The following EPCIP variants were observed in gnomAD, a reference collection of about 807,000 sequenced individuals.
The protein encoded by EPCIP is exosomal polycystin 1 interacting protein.
the EPCIP span, among the ~76,000 whole-genome samples, chr21:32,810,228 TTTTGG>T: frequency 6.6e-6 from 1 of 151,114 alleles, no homozygotes; most frequent in African/African-American, 2.4e-5. Flanking sequence ...CTTCTCAGTC[TTTTGG>T]CTGGCATTTG....
chr21:32,793,963 C>T, the EPCIP span: 1 of 1,614,078 alleles, frequency 6.2e-7, no homozygotes, highest in Non-Finnish European at 8.5e-7. Flanking sequence ...ACCACATGGG[C>T]TTCTCTCTGG....
chr21:32,796,582 A>G, the EPCIP span, among the ~76,000 whole-genome samples: 1 of 152,190 alleles, frequency 6.6e-6, no homozygotes, highest in Non-Finnish European at 1.5e-5. Context: ...TATTAAATGT[A>G]TTAATAGGTA....
the EPCIP span, chr21:32,790,682 AG>A: frequency 6.6e-6 from 1 of 152,232 alleles, no homozygotes; most frequent in Non-Finnish European, 1.5e-5. Context: ...GTAAAGTGAA[AG>A]CAAGTTTATT....
the EPCIP span, among the ~76,000 whole-genome samples, chr21:32,793,120 G>T: frequency 2.6e-5 from 4 of 151,900 alleles, no homozygotes; most frequent in African/African-American, 7.3e-5. Context: ...ACCATGCCCG[G>T]CTAATTTTGT....
At chr21:32,805,573 G>C in the EPCIP span, among the ~76,000 whole-genome samples, 2 of 152,018 alleles carry the variant, frequency 1.3e-5, no homozygotes, top group Non-Finnish European at 2.9e-5. Context: ...TGTTGGCCAG[G>C]CTGGTCTCAA....
chr21:32,791,846 A>G, the EPCIP span, among the ~76,000 whole-genome samples: 1 of 152,080 alleles, frequency 6.6e-6, no homozygotes, highest in East Asian at 1.9e-4. Context: ...TAATGTTTCA[A>G]ATTCATTCCA....
chr21:32,812,691 CT>C, the EPCIP span, among the ~76,000 whole-genome samples: 4 of 151,322 alleles, frequency 2.6e-5, no homozygotes, highest in Admixed American at 6.6e-5. Context: ...CAAATGAAGT[CT>C]TTTTTTTGGT....
At chr21:32,794,433 A>T in the EPCIP span, 3 of 1,606,340 alleles carry the variant, frequency 1.9e-6, no homozygotes, top group African/African-American at 4.0e-5. Flanking sequence ...CTTGCCCAGC[A>T]TGGGCCAGCG....
chr21:32,797,198 C>G, the EPCIP span: 1 of 283,644 alleles, frequency 3.5e-6, no homozygotes, highest in Non-Finnish European at 7.3e-6. Flanking sequence ...CCTGGTAACC[C>G]ATTTATGGAG....
chr21:32,791,537 C>G, the EPCIP span: 1 of 151,636 alleles, frequency 6.6e-6, no homozygotes, highest in Non-Finnish European at 1.5e-5. Context: ...TTTTCTTTCA[C>G]TTTAACATTA....
At chr21:32,806,436 G>C in the EPCIP span, among the ~76,000 whole-genome samples, 1 of 152,196 alleles carries the variant, frequency 6.6e-6, no homozygotes, top group Non-Finnish European at 1.5e-5. Context: ...GCATAGGCAA[G>C]ACCCCTGGGG....
the EPCIP span, among the ~76,000 whole-genome samples, chr21:32,809,987 C>CA: frequency 6.6e-6 from 1 of 152,054 alleles, no homozygotes; most frequent in Admixed American, 6.6e-5. Context: ...TAAGCCACTC[C>CA]AAAAAACCAG....
chr21:32,807,877 A>G, the EPCIP span, among the ~76,000 whole-genome samples: 1 of 152,176 alleles, frequency 6.6e-6, no homozygotes, highest in African/African-American at 2.4e-5. Context: ...GTGACTTTAC[A>G]AAAGGCCTAG....
At chr21:32,797,030 C>A in the EPCIP span, 1 of 470,818 alleles carries the variant, frequency 2.1e-6, no homozygotes, top group African/African-American at 2.0e-5. Context: ...ACAAGAAGTT[C>A]CCAGAAGAAT....
the EPCIP span, among the ~76,000 whole-genome samples, chr21:32,803,186 C>T: frequency 6.6e-6 from 1 of 152,164 alleles, no homozygotes; most frequent in Non-Finnish European, 1.5e-5. Flanking sequence ...TTCCAGGAGC[C>T]AGTGCTGAAA....
chr21:32,808,733 ATG>A, the EPCIP span, among the ~76,000 whole-genome samples: 2 of 152,238 alleles, frequency 1.3e-5, no homozygotes, highest in African/African-American at 4.8e-5. Flanking sequence ...TATAATAATA[ATG>A]TGTCAATACT....
chr21:32,791,877 A>G, the EPCIP span, among the ~76,000 whole-genome samples: 42 of 152,046 alleles, frequency 2.8e-4, no homozygotes, highest in Admixed American at 1.3e-3. Flanking sequence ...AGACATTTGT[A>G]TCACAATTGC....
At chr21:32,813,497 TCA>T in the EPCIP span, 1 of 444,840 alleles carries the variant, frequency 2.2e-6, no homozygotes, top group Non-Finnish European at 4.7e-6. Context: ...CTTCCAACCG[TCA>T]CAGTTCCTGC....
At chr21:32,809,994 C>T in the EPCIP span, among the ~76,000 whole-genome samples, 1 of 152,136 alleles carries the variant, frequency 6.6e-6, no homozygotes, top group Non-Finnish European at 1.5e-5. Flanking sequence ...CTCCAAAAAA[C>T]CAGACTTTTG....
Sources: gnomAD v4.1 joint callset for allele counts (sites outside exome capture counted in the v4.1 genomes callset) on GRCh38, gnomAD v4.1.1 for gene constraint, MANE v1.5 for transcripts, NCBI Gene and HGNC (gene_info 2026-07-23, HGNC 2026-07-21) for gene names.